Variants in MEOX2 observed in about 807,000 individuals in gnomAD.
The protein encoded by MEOX2 is homeobox protein MOX-2.
Under a neutral mutation model 27.0 loss-of-function variants are expected in MEOX2, and 11 were observed. The ratio of observed to expected loss-of-function variants is 0.41; its 90% CI spans 0.26 to 0.68. The LOEUF (loss-of-function observed/expected upper bound fraction) is 0.68. MEOX2 is among the 30% of genes least tolerant of loss of function. The pLI, the probability that MEOX2 is intolerant of heterozygous loss-of-function variation, is 0.33. For synonymous variants in MEOX2, 189 were observed against 155.4 expected (o/e 1.22, Z -1.61); for missense variants, 436 against 385.4 (o/e 1.13, Z -1.10).
intron 2 of MEOX2, among the ~76,000 whole-genome samples, chr7:15,620,759 T>C (rs1781209868): frequency 6.6e-6 from 1 of 152,128 alleles, no homozygotes. Flanking sequence ...ACCAATGGAG[T>C]ATGATCTCGT....
chr7:15,661,040 A>AAAG (rs1562609447), intron 1 of MEOX2, among the ~76,000 whole-genome samples: 1 of 149,974 alleles, frequency 6.7e-6, no homozygotes, highest in Non-Finnish European at 1.5e-5. Context: ...AAAAAAAAAA[A>AAAG]AGAGAAAGAG....
chr7:15,652,437 A>G (rs1468752285), intron 1 of MEOX2, among the ~76,000 whole-genome samples: 2 of 152,086 alleles, frequency 1.3e-5, no homozygotes, highest in African/African-American at 4.8e-5. Flanking sequence ...ATTCTCAGCC[A>G]GAAGTATTTT....
chr7:15,634,899 A>G (rs1781458254), intron 1 of MEOX2, among the ~76,000 whole-genome samples: 1 of 151,970 alleles, frequency 6.6e-6, no homozygotes, highest in African/African-American at 2.4e-5. Flanking sequence ...AAAATGACAC[A>G]TATGGCATCA....
intron 1 of MEOX2, among the ~76,000 whole-genome samples, chr7:15,657,738 C>A (rs1209450294): frequency 4.6e-5 from 7 of 152,210 alleles, no homozygotes; most frequent in Admixed American, 4.6e-4. Context: ...ACTCTTCATT[C>A]AACTTTAGAT....
At chr7:15,661,818 T>C (rs1240617336) in intron 1 of MEOX2, among the ~76,000 whole-genome samples, 1 of 152,192 alleles carries the variant, frequency 6.6e-6, no homozygotes, top group Non-Finnish European at 1.5e-5. Context: ...CTCTACCTGC[T>C]TAAGCATTGA....
At chr7:15,671,920 T>A (rs982347207) in intron 1 of MEOX2, among the ~76,000 whole-genome samples, 3 of 151,858 alleles carry the variant, frequency 2.0e-5, no homozygotes, top group Non-Finnish European at 4.4e-5. Context: ...TAATCTCTAC[T>A]AATCTCTACT....
In MEOX2 at chr7:15,631,933, G is replaced by GTGTGTGTGTGTGTGTGTGTGTGTGTGTGT. The variant is rs66500166; in HGVS notation, c.518-5016_518-5015insACACACACACACACACACACACACACACA. On this transcript the variant is annotated intron_variant, in intron 1 of 2. Transcript: ENST00000262041. ...GTGTGTGTGTGTGTGTGTGTGTGTG[G>GTGTGTGTGTGTGTGTGTGTGTGTGTGTGT]AGAGAAAGAGAGAGAGAGAGGAGAA... Among the ~76,000 whole-genome samples, 28 of 32,470 alleles carry GTGTGTGTGTGTGTGTGTGTGTGTGTGTGT rather than the reference G, an allele frequency of 8.6e-4. 1 individual carries two copies. Among genetic ancestry groups the GTGTGTGTGTGTGTGTGTGTGTGTGTGTGT allele is most frequent in the African/African-American group, 1.4e-3 (24 of 17,196 alleles). 21.3% of individuals were successfully genotyped at this position (32,470 alleles called of 152,430 possible).
intron 1 of MEOX2, among the ~76,000 whole-genome samples, chr7:15,672,405 A>T (rs767240236): frequency 1.9e-4 from 29 of 152,250 alleles, no homozygotes; most frequent in Non-Finnish European, 3.1e-4. Context: ...GTAATGAGGC[A>T]TTCTCACATG....
intron 1 of MEOX2, among the ~76,000 whole-genome samples, chr7:15,672,976 C>G (rs1050228158): frequency 6.6e-6 from 1 of 152,014 alleles, no homozygotes; most frequent in African/African-American, 2.4e-5. Flanking sequence ...TTAACCTGGA[C>G]AGTCATTCAA....
At chr7:15,662,187 A>G (rs1397145565) in intron 1 of MEOX2, among the ~76,000 whole-genome samples, 2 of 151,490 alleles carry the variant, frequency 1.3e-5, no homozygotes, top group Non-Finnish European at 2.9e-5. Context: ...TTTGAGAAGG[A>G]AAAATAAAAT....
chr7:15,630,551 GA>G (rs768443540), intron 1 of MEOX2, among the ~76,000 whole-genome samples: 1 of 151,996 alleles, frequency 6.6e-6, no homozygotes, highest in Non-Finnish European at 1.5e-5. Flanking sequence ...AAATGGAATG[GA>G]ATGTCTGTAT....
chr7:15,647,072 T>C (rs1323268319), intron 1 of MEOX2, among the ~76,000 whole-genome samples: 1 of 152,054 alleles, frequency 6.6e-6, no homozygotes, highest in Non-Finnish European at 1.5e-5. Context: ...TTGATGCTCA[T>C]AAGACTCATA....
intron 1 of MEOX2, among the ~76,000 whole-genome samples, chr7:15,658,021 C>T (rs73288125): frequency 5.6e-4 from 85 of 152,156 alleles, no homozygotes; most frequent in African/African-American, 1.8e-3. Flanking sequence ...GCTCCCCACT[C>T]GGCCTCTGAT....
At chr7:15,640,117 T>C (rs1338273069) in intron 1 of MEOX2, among the ~76,000 whole-genome samples, 1 of 152,074 alleles carries the variant, frequency 6.6e-6, no homozygotes, top group African/African-American at 2.4e-5. Flanking sequence ...ATCCATGGGA[T>C]GTTTTTCCAT....
At chr7:15,619,544 C>G (rs888992746) in intron 2 of MEOX2, among the ~76,000 whole-genome samples, 1 of 151,826 alleles carries the variant, frequency 6.6e-6, no homozygotes, top group Non-Finnish European at 1.5e-5. Context: ...ATCAGAGGAG[C>G]AAATTTCAGT....
intron 1 of MEOX2, among the ~76,000 whole-genome samples, chr7:15,685,230 T>G (rs1782358640): frequency 6.6e-6 from 1 of 152,224 alleles, no homozygotes; most frequent in Non-Finnish European, 1.5e-5. Flanking sequence ...CATCTATTTA[T>G]TTACAATTCT....
At chr7:15,671,625 CACAA>C (rs1158021170) in intron 1 of MEOX2, among the ~76,000 whole-genome samples, 1 of 152,164 alleles carries the variant, frequency 6.6e-6, no homozygotes, top group Non-Finnish European at 1.5e-5. Flanking sequence ...CTCATAACTA[CACAA>C]ACAAACAGCA....
intron 1 of MEOX2, among the ~76,000 whole-genome samples, chr7:15,656,393 T>C (rs1231025807): frequency 6.6e-6 from 1 of 151,810 alleles, no homozygotes; most frequent in African/African-American, 2.4e-5. Flanking sequence ...ATCTGCCCTT[T>C]TACTTTTTGT....
intron 1 of MEOX2, among the ~76,000 whole-genome samples, chr7:15,629,965 C>T (rs980746188): frequency 6.6e-6 from 1 of 152,020 alleles, no homozygotes; most frequent in South Asian, 2.1e-4. Context: ...TTTCTTCAAC[C>T]TCCCATATCC....
Sources: allele counts gnomAD v4.1 joint callset (sites outside exome capture counted in the v4.1 genomes callset), GRCh38; gene constraint gnomAD v4.1.1; transcripts MANE v1.5; gene names NCBI Gene and HGNC (gene_info 2026-07-23, HGNC 2026-07-21).